Variants in PCYT1B observed in about 807,000 individuals in gnomAD.
PCYT1B encodes the protein choline-phosphate cytidylyltransferase B.
In PCYT1B, 10 loss-of-function variants were observed where a neutral mutation model predicts 26.4. That is an observed-to-expected ratio of 0.38 (90% CI 0.23 to 0.64). PCYT1B has a LOEUF of 0.64. Among genes scored for constraint, PCYT1B ranks in the 30% least tolerant of loss-of-function variants. PCYT1B has a pLI of 0.56. For synonymous variants in PCYT1B, 131 were observed against 108.4 expected (o/e 1.21, Z -1.29); for missense variants, 161 against 292.7 (o/e 0.55, Z 3.28).
intron 1 of PCYT1B, among the ~76,000 whole-genome samples, chrX:24,642,105 T>A (rs768366277): frequency 2.0e-4 from 23 of 113,226 alleles, no homozygotes; most frequent in Non-Finnish European, 4.3e-4. Context: ...AAAAGCTCTC[T>A]TAAGGGATTT....
intron 1 of PCYT1B, among the ~76,000 whole-genome samples, chrX:24,654,895 T>C (rs1366541888): frequency 9.0e-6 from 1 of 110,749 alleles, no homozygotes; most frequent in African/African-American, 3.3e-5. Context: ...TACTTTTATG[T>C]CTCTGTTTTG....
At chrX:24,637,723 A>G (rs1306761228) in intron 1 of PCYT1B, among the ~76,000 whole-genome samples, 1 of 106,419 alleles carries the variant, frequency 9.4e-6, no homozygotes, top group Non-Finnish European at 1.9e-5. Flanking sequence ...TTATTTCCTT[A>G]CTTATAACAT....
chrX:24,647,345 A>G lies in PCYT1B; in HGVS notation c.-240T>C, dbSNP rs1926664473. 2 of 860,471 alleles carry G rather than the reference A, an allele frequency of 2.3e-6. No individual in the cohort carries two copies. Among genetic ancestry groups the G allele is most frequent in the Admixed American group, 1.0e-4 (2 of 19,550 alleles). 70.9% of individuals were successfully genotyped at this position (860,471 alleles called of 1,213,427 possible). On this transcript the variant is annotated 5_prime_UTR_variant, in exon 1 of 8. Coordinates refer to ENST00000379144, the MANE Select transcript of PCYT1B (RefSeq NM_004845.5). ...TTTATCACTATAACAACCAGACGAC[A>G]CTGAAGCGGCTGGTGCGGGATACAG... is the stretch of plus-strand genomic sequence containing the variant.
chrX:24,569,206 C>T (rs996317102), intron 7 of PCYT1B, among the ~76,000 whole-genome samples: 3 of 110,458 alleles, frequency 2.7e-5, no homozygotes, highest in African/African-American at 9.9e-5. Flanking sequence ...TATTTTGTAG[C>T]TCTTTTCTCA....
At chrX:24,582,823 T>C (rs2148229283) in intron 5 of PCYT1B, among the ~76,000 whole-genome samples, 1 of 111,993 alleles carries the variant, frequency 8.9e-6, no homozygotes, top group Non-Finnish European at 1.9e-5. Context: ...AAGCCAAATA[T>C]GGATGCTGAG....
Position 24,559,676 on chromosome X carries a change from C to G in PCYT1B, c.*2617G>C, listed in dbSNP as rs1484580705. 9.0e-6 allele frequency: 1 copy of G among 111,547 alleles called. No homozygotes were observed. Among genetic ancestry groups the G allele is most frequent in the Admixed American group, 9.5e-5 (1 of 10,480 alleles). The allele number at this position is 111,547 out of a possible 1,213,427, so 9.2% of individuals were successfully genotyped here. A position where few individuals can be genotyped will look rare whatever the true frequency, so the allele number is the denominator to read the frequency against. On this transcript the variant is annotated 3_prime_UTR_variant, in exon 8 of 8. Coordinates refer to ENST00000379144, the MANE Select transcript of PCYT1B (RefSeq NM_004845.5). ...CTTTGTGTTATTCCTGCTTACCCCT[C>G]CAAGCTTGGGGCATATTTCTCATTC...
At chrX:24,603,609 G>C (rs763497555) in intron 3 of PCYT1B, among the ~76,000 whole-genome samples, 14 of 110,259 alleles carry the variant, frequency 1.3e-4, no homozygotes, top group African/African-American at 4.6e-4. Context: ...TATAGTCCCA[G>C]CTACTTGGGA....
intron 1 of PCYT1B, among the ~76,000 whole-genome samples, chrX:24,656,998 C>T (rs756377729): frequency 1.3e-4 from 14 of 111,659 alleles, no homozygotes; most frequent in African/African-American, 4.2e-4. Context: ...ACAAATATGA[C>T]GGCAGGGTTT....
chrX:24,596,952 C>T (rs774883062), intron 3 of PCYT1B, among the ~76,000 whole-genome samples: 1 of 111,008 alleles, frequency 9.0e-6, no homozygotes, highest in Non-Finnish European at 1.9e-5. Flanking sequence ...AGCCTTTCAA[C>T]CAACAACACA....
chrX:24,613,989 GAGAA>G (rs1239658665), intron 2 of PCYT1B, among the ~76,000 whole-genome samples: 6 of 102,780 alleles, frequency 5.8e-5, no homozygotes, highest in African/African-American at 1.7e-4. Context: ...GAAAGAAAGA[GAGAA>G]AGAAAGAAAG....
At position 24,562,098 on chromosome X, in the gene PCYT1B, C is replaced by T. The variant is rs770713438; in HGVS notation, c.*195G>A. The T allele has an allele frequency of 1.7e-6, 2 of 1,210,647 alleles. No homozygotes were observed. Among genetic ancestry groups the T allele is most frequent in the South Asian group, 1.8e-5 (1 of 56,810 alleles). On this transcript the variant is annotated 3_prime_UTR_variant, in exon 8 of 8. Transcript: ENST00000379144. ...TAGGTTGTCCAGCTAGAAGTCTCTG[C>T]ACCTCGCCCAACTCTTCAGCTGTAC...
intron 1 of PCYT1B, among the ~76,000 whole-genome samples, chrX:24,654,192 C>A (rs780201832): frequency 1.0e-5 from 1 of 97,795 alleles, no homozygotes; most frequent in African/African-American, 3.8e-5. Flanking sequence ...GCAACCTCTG[C>A]CTCCCAGGTT....
At chrX:24,562,853 A>T (rs377166998) in intron 7 of PCYT1B, among the ~76,000 whole-genome samples, 1 of 108,603 alleles carries the variant, frequency 9.2e-6, no homozygotes, top group East Asian at 2.9e-4. Context: ...TCAGCCTCCC[A>T]AGTAGCTGGG....
chrX:24,584,961 G>C (rs1302624800), intron 5 of PCYT1B, among the ~76,000 whole-genome samples: 1 of 111,972 alleles, frequency 8.9e-6, no homozygotes, highest in Non-Finnish European at 1.9e-5. Context: ...AGTGTCTTTT[G>C]AACTATTAAG....
At chrX:24,595,909 C>T (rs1054654176) in intron 3 of PCYT1B, among the ~76,000 whole-genome samples, 3 of 108,487 alleles carry the variant, frequency 2.8e-5, no homozygotes, top group Non-Finnish European at 3.8e-5. Flanking sequence ...AAGACTGAGA[C>T]TGAATTTCCT....
chrX:24,563,641 C>T (rs1465810614), intron 7 of PCYT1B, among the ~76,000 whole-genome samples: 2 of 111,029 alleles, frequency 1.8e-5, no homozygotes, highest in African/African-American at 3.3e-5. Context: ...AGGAGGCCAT[C>T]GTGGCAGTAT....
chrX:24,637,479 TAAAAA>T (rs1201643219), intron 1 of PCYT1B, among the ~76,000 whole-genome samples: 34 of 59,445 alleles, frequency 5.7e-4, no homozygotes, highest in Non-Finnish European at 7.8e-4. Context: ...CCATCTCTAC[TAAAAA>T]AAAAAAAATA....
intron 1 of PCYT1B, among the ~76,000 whole-genome samples, chrX:24,625,269 A>T (rs1925846622): frequency 8.9e-6 from 1 of 112,294 alleles, no homozygotes; most frequent in Non-Finnish European, 1.9e-5. Context: ...GACATCACAA[A>T]ATCTAATCCA....
chrX:24,633,296 A>G (rs1926165896), intron 1 of PCYT1B, among the ~76,000 whole-genome samples: 1 of 109,414 alleles, frequency 9.1e-6, no homozygotes, highest in African/African-American at 3.3e-5. Context: ...AAGGTGATGG[A>G]CACCCTAAAT....
Sources: allele counts gnomAD v4.1 joint callset (sites outside exome capture counted in the v4.1 genomes callset), GRCh38; gene constraint gnomAD v4.1.1; transcripts MANE v1.5; gene names NCBI Gene and HGNC (gene_info 2026-07-23, HGNC 2026-07-21).